KNL1: variants seen among roughly 807,000 people sequenced by gnomAD.
The protein encoded by KNL1 is outer kinetochore KNL1 complex subunit KNL1.
A neutral mutation model predicts 201.3 loss-of-function variants in KNL1; 66 were observed. That is an observed-to-expected ratio of 0.33 (90% CI 0.27 to 0.40). KNL1 has a LOEUF of 0.40. Among genes scored for constraint, KNL1 ranks in the 10% least tolerant of loss-of-function variants. KNL1 has a pLI of 1.00. For synonymous variants in KNL1, 895 were observed against 899.2 expected (o/e 1.00, Z 0.08); for missense variants, 2,815 against 2,690.5 (o/e 1.05, Z -1.02).
chr15:40,634,576 CTT>C (rs1428334043), intron 13 of KNL1, among the ~76,000 whole-genome samples: 1 of 152,118 alleles, frequency 6.6e-6, no homozygotes, highest in Non-Finnish European at 1.5e-5. Context: ...GCACACAACT[CTT>C]TTGGGCCTCA....
At chr15:40,640,876 G>C (rs753410992) in intron 13 of KNL1, 36 bp from the exon 14 acceptor site, 8 of 1,204,554 alleles carry the variant, frequency 6.6e-6, no homozygotes, top group Non-Finnish European at 9.8e-6. Flanking sequence ...TTGTCTGCAA[G>C]ATACCAGTTC....
chr15:40,654,579 A>AC (rs1893664605), intron 21 of KNL1, among the ~76,000 whole-genome samples: 1 of 151,820 alleles, frequency 6.6e-6, no homozygotes, highest in Admixed American at 6.6e-5. Flanking sequence ...AGTTTAAAAA[A>AC]AAAAAAAAGG....
intron 23 of KNL1, 96 bp from the exon 24 acceptor site, chr15:40,657,259 T>TC: frequency 2.0e-6 from 2 of 1,007,794 alleles, no homozygotes; most frequent in Non-Finnish European, 3.1e-6. Context: ...ATAAATGTAT[T>TC]CAATTGTTTA....
intron 13 of KNL1, among the ~76,000 whole-genome samples, chr15:40,632,549 C>A (rs1390293604): frequency 1.3e-5 from 2 of 151,928 alleles, no homozygotes; most frequent in Non-Finnish European, 2.9e-5. Context: ...TTGCAAGGAG[C>A]CAAGATTGTA....
At chr15:40,642,017 A>G (rs964190307) in intron 14 of KNL1, among the ~76,000 whole-genome samples, 2 of 152,244 alleles carry the variant, frequency 1.3e-5, no homozygotes, top group African/African-American at 2.4e-5. Context: ...ATTTGAACCA[A>G]TCTAACAGAA....
At chr15:40,655,911 G>A (rs1270622752) in intron 22 of KNL1, among the ~76,000 whole-genome samples, 12 of 143,218 alleles carry the variant, frequency 8.4e-5, no homozygotes, top group Admixed American at 1.4e-4. Context: ...ATGAGACTCC[G>A]TCTCAAAAAA....
chr15:40,643,609 C>A (rs2141750697), intron 14 of KNL1, among the ~76,000 whole-genome samples: 1 of 152,336 alleles, frequency 6.6e-6, no homozygotes, highest in Non-Finnish European at 1.5e-5. Context: ...TGCGCCACTG[C>A]ACTCCAGCCT....
At position 40,651,547 on chromosome 15, in the gene KNL1, A is replaced by G. The variant is rs1209141453; in HGVS notation, c.6289A>G (p.Thr2097Ala). ...IDFMQKQRNRTEELLDQLSLS... is the reference protein window; with the variant it reads ...IDFMQKQRNRAEELLDQLSLS... ...CTTTATGCAAAAACAAAGAAATAGA[A>G]CTGAAGAGCTACTGGATCAGTTGAG... Residue 2097 changes from threonine (T) to alanine (A), a missense_variant, in exon 20 of 26, where the codon ACT becomes GCT. This residue lies in a region of KNL1 where 334 missense variants were observed against 362.6 expected (regional missense o/e 0.92). Transcript: ENST00000399668. The G allele has an allele frequency of 6.2e-7, 1 of 1,609,682 alleles. No homozygotes were observed. Among genetic ancestry groups the G allele is most frequent in the Non-Finnish European group, 8.5e-7 (1 of 1,178,380 alleles).
chr15:40,641,080 ATAGT>A (rs1227796529), intron 14 of KNL1, 53 bp downstream of exon 14: 1 of 1,213,680 alleles, frequency 8.2e-7, no homozygotes, highest in Admixed American at 1.9e-5. Flanking sequence ...GGATCAGTTA[ATAGT>A]TTGTGTGGTA....
At chr15:40,600,154 T>A (rs1891748434) in intron 1 of KNL1, among the ~76,000 whole-genome samples, 1 of 149,980 alleles carries the variant, frequency 6.7e-6, no homozygotes, top group Non-Finnish European at 1.5e-5. Flanking sequence ...TGGCTCACTG[T>A]AACCTCTGTC....
intron 18 of KNL1, 27 bp from the exon 19 acceptor site, chr15:40,650,517 G>GTTTT: frequency 1.5e-5 from 21 of 1,417,198 alleles, no homozygotes; most frequent in African/African-American, 3.0e-5. Flanking sequence ...TGTTTGTTCT[G>GTTTT]TTTTTTTTTT....
At chr15:40,645,280 A>T (rs983114825) in intron 15 of KNL1, among the ~76,000 whole-genome samples, 193 bp downstream of exon 15, 1 of 152,238 alleles carries the variant, frequency 6.6e-6, no homozygotes, top group Non-Finnish European at 1.5e-5. Context: ...GAGATGATCA[A>T]TTTAATATAT....
In KNL1 at chr15:40,624,730, A is replaced by G. The variant is rs748685665; in HGVS notation, c.4466A>G (p.Lys1489Arg). ...TCCTCTGCACCCATATGTGAAAACA[A>G]GCCCAAAATACTCAATAGTGAGGAA... ...ENSSAPICEN[K>R]PKILNSEEWF... The change falls in exon 10 of 26, where the codon AAG becomes AGG. Residue 1489 changes from lysine to arginine, a missense_variant. Around this residue, in one of 3 missense-constraint regions of KNL1, gnomAD observed 2,464 missense variants for 2,291.7 expected, o/e 1.08. Transcript: ENST00000399668. 1.2e-6 allele frequency: 2 copies of G among 1,613,418 alleles called. No homozygotes were observed. Among genetic ancestry groups the G allele is most frequent in the Non-Finnish European group, 1.7e-6 (2 of 1,179,850 alleles).
intron 8 of KNL1, 63 bp downstream of exon 8, chr15:40,615,441 A>G (rs770162544): frequency 1.3e-4 from 60 of 465,184 alleles, no homozygotes; most frequent in Middle Eastern, 6.8e-4. Context: ...TTTCTTGATC[A>G]CTATTATGTA....
At chr15:40,599,459 C>G (rs1360437675) in intron 1 of KNL1, among the ~76,000 whole-genome samples, 1 of 149,212 alleles carries the variant, frequency 6.7e-6, no homozygotes. Flanking sequence ...TCTCTGCTCA[C>G]TGCAGCCTCT....
intron 13 of KNL1, among the ~76,000 whole-genome samples, chr15:40,632,861 A>G (rs1892952332): frequency 6.6e-6 from 1 of 152,150 alleles, no homozygotes; most frequent in Admixed American, 6.6e-5. Context: ...CTCTATTTAA[A>G]TAAATAAATA....
Position 40,621,041 on chromosome 15 carries a change from A to G in KNL1, c.777A>G (p.Val259=). The G allele has an allele frequency of 3.7e-6, 6 of 1,608,546 alleles. No individual in the cohort carries two copies. The South Asian group carries it at 6.6e-5, about 18-fold the overall frequency. ...CCTCTTCTACACATCAAATGCATGT[A>G]TCTCTTAAGGAAGATGAAAATAACA... ...NSASSTHQMH[V]SLKEDENNSN... The change falls in exon 10 of 26, where the codon GTA becomes GTG. Residue 259 remains valine, a synonymous_variant. Coordinates refer to ENST00000399668, the MANE Select transcript of KNL1 (RefSeq NM_144508.5).
At chr15:40,635,340 C>A (rs563091077) in intron 13 of KNL1, among the ~76,000 whole-genome samples, 2 of 151,828 alleles carry the variant, frequency 1.3e-5, no homozygotes, top group East Asian at 3.9e-4. Flanking sequence ...GCTTGAGCCA[C>A]CATGCCCGGC....
In KNL1 at chr15:40,645,055, T is replaced by G; in HGVS notation, c.5857T>G (p.Trp1953Gly). The G allele has an allele frequency of 3.7e-6, 6 of 1,611,638 alleles. No homozygotes were observed. Among genetic ancestry groups the G allele is most frequent in the Non-Finnish European group, 5.1e-6 (6 of 1,178,604 alleles). The part of the protein sequence containing the change: ...KLLVDINKNL[W>G]EKMRHCSDKE... ...GTTGGTTGATATAAATAAGAACCTG[T>G]GGGAAAAAATGAGACACTGCTCTGA... Residue 1953 changes from tryptophan (W) to glycine (G), a missense_variant, in exon 15 of 26, where the codon TGG becomes GGG. Trp to Gly is a radical substitution (Grantham distance 184, BLOSUM62 -2). Coordinates refer to ENST00000399668, the MANE Select transcript of KNL1 (RefSeq NM_144508.5).
Sources: allele counts gnomAD v4.1 joint callset (sites outside exome capture counted in the v4.1 genomes callset), GRCh38; gene constraint gnomAD v4.1.1; regional missense constraint gnomAD v4.1.1; transcripts MANE v1.5; gene names NCBI Gene and HGNC (gene_info 2026-07-23, HGNC 2026-07-21).